SLC4A5: variants seen among roughly 807,000 people sequenced by gnomAD.
SLC4A5 encodes the protein solute carrier family 4 member 5, also known as electrogenic sodium bicarbonate cotransporter 4.
In SLC4A5, 96 loss-of-function variants were observed where a neutral mutation model predicts 120.4. The observed-to-expected ratio is 0.80, with a 90% CI of 0.68 to 0.94. The LOEUF (loss-of-function observed/expected upper bound fraction) is 0.94, where lower values mean the gene tolerates loss of function less well. Among genes scored for constraint, SLC4A5 ranks in the 40% least tolerant of loss-of-function variants. The pLI is 0.00. For missense variants in SLC4A5, 1,259 were observed against 1,459.5 expected (o/e 0.86, Z 2.24); for synonymous variants, 550 against 571.1 (o/e 0.96, Z 0.53).
intron 7 of SLC4A5, chr2:74,290,246 GCT>G: frequency 1.0e-6 from 1 of 985,508 alleles, no homozygotes; most frequent in South Asian, 4.7e-5. Context: ...GGCATTACCT[GCT>G]CCCTGGAACA....
exon 21 of SLC4A5, chr2:74,239,504 C>G: frequency 6.2e-7 from 1 of 1,614,016 alleles, no homozygotes; most frequent in Non-Finnish European, 8.5e-7. Flanking sequence ...CAGCAGGGAC[C>G]AGTCCAACGC....
chr2:74,282,392 C>T lies in SLC4A5; in HGVS notation c.401+3381G>A, dbSNP rs552022145. On this transcript the variant is annotated intron_variant, in intron 8 of 30. Coordinates refer to ENST00000394019, the Ensembl canonical transcript of SLC4A5. ...ATCTGCCTAGAATTGGGTTCGACCA[C>T]TTTAACTTCTAGTCATTGCTTTCTT... Among the ~76,000 whole-genome samples, 81 of 152,370 alleles carry T rather than the reference C, an allele frequency of 5.3e-4. 1 individual carries two copies. The highest frequency in any genetic ancestry group is 1.9e-3 in the East Asian group (10 of 5,190).
At chr2:74,323,601 G>A (rs1230550489) in intron 5 of SLC4A5, among the ~76,000 whole-genome samples, 1 of 152,128 alleles carries the variant, frequency 6.6e-6, no homozygotes, top group South Asian at 2.1e-4. Context: ...AAATGTAAAA[G>A]ATTTGATACA....
intron 5 of SLC4A5, among the ~76,000 whole-genome samples, chr2:74,320,467 C>T (rs912103712): frequency 1.3e-5 from 2 of 152,158 alleles, no homozygotes; most frequent in African/African-American, 4.8e-5. Flanking sequence ...TCAATCACTA[C>T]AGTGGAAGCT....
At chr2:74,306,053 A>G (rs938481782) in intron 6 of SLC4A5, among the ~76,000 whole-genome samples, 3 of 152,156 alleles carry the variant, frequency 2.0e-5, no homozygotes, top group Non-Finnish European at 4.4e-5. Context: ...CTATCTCTAC[A>G]ATTTTGCCTT....
At chr2:74,220,871 C>T (rs1481809378) in intron 30 of SLC4A5, among the ~76,000 whole-genome samples, 96 of 93,322 alleles carry the variant, frequency 1.0e-3, no homozygotes, top group Middle Eastern at 0.011. Flanking sequence ...GATGGAGTCT[C>T]ACTCTGTTGC....
intron 8 of SLC4A5, among the ~76,000 whole-genome samples, chr2:74,270,348 C>T (rs1671433281): frequency 6.6e-6 from 1 of 152,190 alleles, no homozygotes; most frequent in Non-Finnish European, 1.5e-5. Flanking sequence ...CTTGGCTGTC[C>T]ATTAGAATAA....
At chr2:74,227,913 C>A in intron 25 of SLC4A5, 35 bp from the exon 26 acceptor site, 1 of 1,541,568 alleles carries the variant, frequency 6.5e-7, no homozygotes, top group Non-Finnish European at 8.7e-7. Flanking sequence ...TCGGCCTCTG[C>A]CTGGGGCGGC....
Position 74,304,423 on chromosome 2 carries a change from C to T in SLC4A5, c.271+66G>A, listed in dbSNP as rs1277197462. 3 of 1,476,418 alleles carry T rather than the reference C, an allele frequency of 2.0e-6. No homozygotes were observed. In the African/African-American group the frequency reaches 4.2e-5, roughly 21 times the overall value. The allele number at this position is 1,476,418 out of a possible 1,614,324, so 91.5% of individuals were successfully genotyped here. On this transcript the variant is annotated intron_variant, in intron 7 of 30. Coordinates refer to ENST00000394019, the Ensembl canonical transcript of SLC4A5. ...CATTCTCCAGAAAATCCCCCCTGCC[C>T]TGCTGGGTCCCATCTGGACACACCA...
intron 2 of SLC4A5, among the ~76,000 whole-genome samples, chr2:74,341,115 G>A (rs1221577882): frequency 6.6e-6 from 1 of 152,058 alleles, no homozygotes; most frequent in Admixed American, 6.6e-5. Flanking sequence ...GACCAGCCTG[G>A]TCAACATGGT....
chr2:74,224,887 T>G (rs1240374567), exon 28 of SLC4A5: 1 of 1,614,108 alleles, frequency 6.2e-7, no homozygotes, highest in Non-Finnish European at 8.5e-7. Context: ...TTCCTCTTCT[T>G]GTCTGTCTCC....
At chr2:74,232,641 C>T in exon 24 of SLC4A5, 1 of 1,612,462 alleles carries the variant, frequency 6.2e-7, no homozygotes, top group Non-Finnish European at 8.5e-7. Context: ...TGGTAGCCGG[C>T]AGCCTTCTGC....
chr2:74,254,572 G>A (rs1250100987), intron 14 of SLC4A5, 47 bp downstream of exon 14: 1 of 1,451,842 alleles, frequency 6.9e-7, no homozygotes, highest in East Asian at 2.3e-5. Flanking sequence ...AGTGCTTGGT[G>A]CAGGAGCTGT....
chr2:74,323,659 G>GA (rs1198277364), intron 5 of SLC4A5, among the ~76,000 whole-genome samples: 1 of 152,014 alleles, frequency 6.6e-6, no homozygotes, highest in African/African-American at 2.4e-5. Flanking sequence ...AAAATGCAAA[G>GA]AAAAAAGACA....
intron 20 of SLC4A5, among the ~76,000 whole-genome samples, chr2:74,241,469 G>A (rs560988529): frequency 3.3e-5 from 5 of 151,772 alleles, no homozygotes; most frequent in Admixed American, 6.6e-5. Flanking sequence ...GGCCAGGCGC[G>A]GTGGCTCACG....
intron 6 of SLC4A5, among the ~76,000 whole-genome samples, chr2:74,310,291 T>C (rs548994943): frequency 2.8e-4 from 43 of 152,348 alleles, no homozygotes; most frequent in African/African-American, 1.0e-3. Flanking sequence ...TACATTTATT[T>C]CCTTTCCTTG....
intron 7 of SLC4A5, chr2:74,290,619 A>AAGGGAGAG (rs1573067714): frequency 1.1e-6 from 1 of 910,572 alleles, no homozygotes; most frequent in African/African-American, 3.0e-5. Flanking sequence ...AGAGACAGAG[A>AAGGGAGAG]AGTGAGAGAG....
chr2:74,229,305 A>G (rs1694978577), intron 25 of SLC4A5, among the ~76,000 whole-genome samples: 1 of 149,120 alleles, frequency 6.7e-6, no homozygotes, highest in East Asian at 2.0e-4. Flanking sequence ...GCTGGAGTGC[A>G]GTGGTGCAAT....
Position 74,220,904 on chromosome 2 carries a change from G to T in SLC4A5, c.*33+530C>A, listed in dbSNP as rs367751671. On this transcript the variant is annotated intron_variant, in intron 30 of 30. Coordinates refer to ENST00000394019, the Ensembl canonical transcript of SLC4A5. ...TGCCCAGGCTGGAGTGCAGTGGCGC[G>T]ATCTCGGCTTACTGCAAGCTCTGCC... Among the ~76,000 whole-genome samples the T allele has an allele frequency of 4.4e-3, 633 of 143,600 alleles. 10 individuals are homozygous for T. The highest frequency in any genetic ancestry group is 0.015 in the African/African-American group (557 of 37,652). The allele number at this position is 143,600 out of a possible 152,430, so 94.2% of individuals were successfully genotyped here. A position where few individuals can be genotyped will look rare whatever the true frequency, so the allele number is the denominator to read the frequency against.
Sources: allele counts gnomAD v4.1 joint callset (sites outside exome capture counted in the v4.1 genomes callset), GRCh38; gene constraint gnomAD v4.1.1; transcripts MANE v1.5; gene names NCBI Gene and HGNC (gene_info 2026-07-23, HGNC 2026-07-21).